Variants in FMN2 observed in about 807,000 individuals in gnomAD.
The protein encoded by FMN2 is formin 2, also known as formin-2.
In FMN2, 51 loss-of-function variants were observed where a neutral mutation model predicts 142.3. That is an observed-to-expected ratio of 0.36 (90% CI 0.29 to 0.45). The LOEUF (loss-of-function observed/expected upper bound fraction) is 0.45, where lower values mean the gene tolerates loss of function less well. Among genes scored for constraint, FMN2 ranks in the 20% least tolerant of loss-of-function variants. The pLI is 1.00. For synonymous variants in FMN2, 882 were observed against 869.8 expected, an observed-to-expected ratio of 1.01 and a Z score of -0.25; for missense variants, 1,936 against 2,122.8, an observed-to-expected ratio of 0.91 and a Z score of 1.73.
Position 240,356,021 on chromosome 1 carries a change from T to G in FMN2, c.4858+113T>G. ...CATTGTTTAAAAAATACATATTGCT[T>G]TAAAAGGGCTTATTTTGACATTACA... On this transcript the variant is annotated intron_variant, in intron 14 of 17. Coordinates refer to ENST00000319653, the MANE Select transcript of FMN2 (RefSeq NM_020066.5). The G allele has an allele frequency of 3.0e-6, 2 of 671,558 alleles. 1 individual carries two copies. The highest frequency in any genetic ancestry group is 4.9e-6 in the Non-Finnish European group (2 of 408,768). The allele number at this position is 671,558 out of a possible 1,614,324, so 41.6% of individuals were successfully genotyped here. A position where few individuals can be genotyped will look rare whatever the true frequency, so the allele number is the denominator to read the frequency against.
rs75122386 is a variant in FMN2 at position 240,284,343 on chromosome 1, G to A, written c.4154-10479G>A. The stretch of plus-strand genomic sequence containing the variant: ...AATATGAGCCAATCTTTTAAGCTGG[G>A]GGGGAGGATTGAGTTAGAAACAAAC... On this transcript the variant is annotated intron_variant, in intron 7 of 17. Transcript: ENST00000319653. 3.3e-4 allele frequency among the ~76,000 whole-genome samples: 50 copies of A among 152,178 alleles called. 1 individual carries two copies. The highest frequency in any genetic ancestry group is 1.0e-3 in the South Asian group (5 of 4,822).
intron 2 of FMN2, among the ~76,000 whole-genome samples, chr1:240,157,350 C>T (rs1469395285): frequency 6.6e-5 from 10 of 152,254 alleles, no homozygotes; most frequent in African/African-American, 1.4e-4. Context: ...TCATTAAAAC[C>T]GTGCTTTCCT....
chr1:240,094,130 C>A (rs895298999), intron 1 of FMN2, among the ~76,000 whole-genome samples: 1 of 152,082 alleles, frequency 6.6e-6, no homozygotes, highest in African/African-American at 2.4e-5. Flanking sequence ...ATGGTTCTTT[C>A]GCAAGAGTCG....
intron 12 of FMN2, 39 bp from the exon 13 acceptor site, chr1:240,334,069 AC>A (rs1671476260): frequency 6.4e-7 from 1 of 1,571,716 alleles, no homozygotes; most frequent in Non-Finnish European, 8.6e-7. Flanking sequence ...TATATTGATA[AC>A]CAATTTCTTT....
chr1:240,461,319 A>G (rs1464869944), intron 16 of FMN2, among the ~76,000 whole-genome samples: 1 of 152,158 alleles, frequency 6.6e-6, no homozygotes, highest in Non-Finnish European at 1.5e-5. Flanking sequence ...CAACAACAAT[A>G]TCTACCTTAG....
At chr1:240,459,394 T>G (rs960022070) in intron 16 of FMN2, 1 of 152,158 alleles carries the variant, frequency 6.6e-6, no homozygotes, top group Non-Finnish European at 1.5e-5. Flanking sequence ...CCACCTCTGA[T>G]TGCTATTCAC....
chr1:240,111,870 T>C lies in FMN2; in HGVS notation c.1616-11309T>C, dbSNP rs565659346. 1.4e-4 allele frequency among the ~76,000 whole-genome samples: 22 copies of C among 152,280 alleles called. 1 individual carries two copies. The highest frequency in any genetic ancestry group is 6.5e-4 in the Admixed American group (10 of 15,306). ...TGCTTAAGCTATGGCTGCAATCCCA[T>C]GCCTCCCCACATGGGTGTACTTCAT... On this transcript the variant is annotated intron_variant, in intron 1 of 17. Transcript: ENST00000319653.
At chr1:240,252,802 A>G (rs1488107208) in intron 6 of FMN2, among the ~76,000 whole-genome samples, 2 of 151,858 alleles carry the variant, frequency 1.3e-5, no homozygotes, top group Non-Finnish European at 2.9e-5. Flanking sequence ...CTGTATGTCT[A>G]AATCTCTTAC....
chr1:240,440,434 G>A (rs1675571326), intron 16 of FMN2, among the ~76,000 whole-genome samples: 1 of 152,114 alleles, frequency 6.6e-6, no homozygotes, highest in Non-Finnish European at 1.5e-5. Context: ...ATGTGCATCT[G>A]ACATGCCCAG....
chr1:240,217,591 A>T (rs1352217935), intron 6 of FMN2, among the ~76,000 whole-genome samples: 3 of 152,314 alleles, frequency 2.0e-5, no homozygotes, highest in South Asian at 4.1e-4. Context: ...ACCACATCAA[A>T]ATTCAAAACT....
At chr1:240,379,463 G>A (rs1334821996) in intron 14 of FMN2, among the ~76,000 whole-genome samples, 2 of 151,942 alleles carry the variant, frequency 1.3e-5, no homozygotes, top group African/African-American at 4.8e-5. Context: ...TTTCCTCTCT[G>A]GAACTCTGTT....
At chr1:240,193,193 TG>T (rs958788277) in intron 4 of FMN2, among the ~76,000 whole-genome samples, 2 of 152,154 alleles carry the variant, frequency 1.3e-5, no homozygotes, top group African/African-American at 4.8e-5. Context: ...GCTAATCCAA[TG>T]GGGGTCGTGG....
At chr1:240,142,541 C>T (rs1571975831) in intron 2 of FMN2, 1 of 798,550 alleles carries the variant, frequency 1.3e-6, no homozygotes, top group Admixed American at 2.8e-5. Flanking sequence ...ACAACCTTAT[C>T]TCACTCAGTA....
At chr1:240,130,839 C>T (rs891021625) in intron 2 of FMN2, among the ~76,000 whole-genome samples, 5 of 148,840 alleles carry the variant, frequency 3.4e-5, no homozygotes, top group South Asian at 4.2e-4. Context: ...AATTCTTTCT[C>T]TTCTAATTTA....
intron 6 of FMN2, among the ~76,000 whole-genome samples, chr1:240,225,451 G>A (rs902157758): frequency 3.7e-4 from 56 of 152,294 alleles, no homozygotes; most frequent in African/African-American, 9.4e-4. Context: ...GATTAAAAAC[G>A]TGAAGGAAAA....
intron 2 of FMN2, among the ~76,000 whole-genome samples, chr1:240,167,446 C>T (rs981997946): frequency 6.6e-6 from 1 of 152,030 alleles, no homozygotes; most frequent in Non-Finnish European, 1.5e-5. Context: ...TAGTGCCTGG[C>T]CTATTTGTAA....
In FMN2 at chr1:240,400,155, G is replaced by T. The variant is rs897912998; in HGVS notation, c.4910+7593G>T. ...TCAAGGGAAGAAGATAGCCAAGAAG[G>T]ATCCTTTTGGGATCATAATCAATCC... is the stretch of plus-strand genomic sequence containing the variant. On this transcript the variant is annotated intron_variant, in intron 15 of 17. Transcript: ENST00000319653. Among the ~76,000 whole-genome samples the T allele has an allele frequency of 2.0e-5, 3 of 152,138 alleles. No homozygotes were observed. The East Asian group carries it at 5.8e-4, about 29-fold the overall frequency.
At chr1:240,094,507 A>T (rs1029004411) in intron 1 of FMN2, among the ~76,000 whole-genome samples, 4 of 152,180 alleles carry the variant, frequency 2.6e-5, no homozygotes, top group Admixed American at 2.0e-4. Flanking sequence ...ACTCATACCC[A>T]GGGCGGCATA....
At chr1:240,241,709 T>A (rs896972143) in intron 6 of FMN2, among the ~76,000 whole-genome samples, 1 of 152,210 alleles carries the variant, frequency 6.6e-6, no homozygotes, top group Non-Finnish European at 1.5e-5. Flanking sequence ...GCTACTCCTC[T>A]TGTTTAACAG....
Sources: allele counts gnomAD v4.1 joint callset (sites outside exome capture counted in the v4.1 genomes callset), GRCh38; gene constraint gnomAD v4.1.1; transcripts MANE v1.5; gene names NCBI Gene and HGNC (gene_info 2026-07-23, HGNC 2026-07-21).